Variants in ANKRD12 observed in about 807,000 individuals in gnomAD.
ANKRD12 encodes ankyrin repeat domain 12.
Under a neutral mutation model 183.4 loss-of-function variants are expected in ANKRD12, and 85 were observed. That is an observed-to-expected ratio of 0.46 (90% CI 0.39 to 0.56). ANKRD12 has a LOEUF of 0.56. Among genes scored for constraint, ANKRD12 ranks in the 20% least tolerant of loss-of-function variants. The pLI, the probability that ANKRD12 is intolerant of heterozygous loss-of-function variation, is 0.00. For missense variants in ANKRD12, 2,405 were observed against 2,357.1 expected (o/e 1.02, Z -0.42); for synonymous variants, 914 against 800.2 (o/e 1.14, Z -2.40).
chr18:9,213,508 CGTT>C (rs2035921093), intron 6 of ANKRD12, among the ~76,000 whole-genome samples: 2 of 151,720 alleles, frequency 1.3e-5, no homozygotes, highest in South Asian at 2.1e-4. Context: ...AATAGGAACT[CGTT>C]GAAGGAAATT....
chr18:9,257,292 C>A lies in ANKRD12; in HGVS notation c.4025C>A (p.Thr1342Asn), dbSNP rs760069771. Residue 1342 changes from threonine to asparagine, a missense_variant, in exon 9 of 13, where the codon ACT becomes AAT. By Grantham distance (65) the Thr-to-Asn change is moderately conservative. Transcript: ENST00000262126. ...AGCTTATTAACTGTGCCAGGAGATA[C>A]TAGTCCTTCTCCCAAACCTGAGGTA... ...QGSLLTVPGD[T>N]SPSPKPEVFS... The A allele has an allele frequency of 1.9e-6, 3 of 1,614,042 alleles. No individual in the cohort carries two copies. In the African/African-American group the frequency reaches 4.0e-5, roughly 22 times the overall value.
intron 3 of ANKRD12, among the ~76,000 whole-genome samples, chr18:9,201,817 GT>G (rs1357377075): frequency 2.7e-5 from 4 of 145,770 alleles, no homozygotes; most frequent in African/African-American, 9.8e-5. Flanking sequence ...TAGTTTACTA[GT>G]TTTTTTCGCT....
intron 9 of ANKRD12, 37 bp downstream of exon 9, chr18:9,258,968 C>T (rs781199881): frequency 1.3e-6 from 2 of 1,547,634 alleles, no homozygotes; most frequent in Non-Finnish European, 1.7e-6. Context: ...ACCTGTAACA[C>T]TGCCCAATAG....
At chr18:9,152,350 C>A (rs2078710667) in intron 1 of ANKRD12, among the ~76,000 whole-genome samples, 2 of 152,090 alleles carry the variant, frequency 1.3e-5, no homozygotes, top group African/African-American at 4.8e-5. Context: ...ATCCATTGGC[C>A]CAGGAATGGC....
intron 1 of ANKRD12, among the ~76,000 whole-genome samples, chr18:9,179,141 A>G (rs1401342596): frequency 6.6e-6 from 1 of 152,144 alleles, no homozygotes; most frequent in Non-Finnish European, 1.5e-5. Context: ...TGTCCTTCCT[A>G]TACACATGTA....
chr18:9,196,214 ACACACACACT>A (rs2034806137), intron 3 of ANKRD12, among the ~76,000 whole-genome samples: 1 of 151,720 alleles, frequency 6.6e-6, no homozygotes. Flanking sequence ...ACACACACAC[ACACACACACT>A]GAGGCTAACT....
At chr18:9,168,660 C>G (rs2032348935) in intron 1 of ANKRD12, among the ~76,000 whole-genome samples, 1 of 152,088 alleles carries the variant, frequency 6.6e-6, no homozygotes, top group Non-Finnish European at 1.5e-5. Context: ...TTGATCTTTT[C>G]AGAAAACCAG....
Position 9,280,942 on chromosome 18 carries a change from C to A in ANKRD12, c.6005C>A (p.Thr2002Asn). 1 of 1,608,208 alleles carries A rather than the reference C, an allele frequency of 6.2e-7. No individual in the cohort carries two copies. The highest frequency in any genetic ancestry group is 8.5e-7 in the Non-Finnish European group (1 of 1,178,528). ...DVDDKFDKLK[T>N]CLLMRQQHEA... ...TAACTCTTCTCTTCTTTTAAATAGA[C>A]CTGTCTTTTAATGAGGCAACAACAT... Residue 2002 changes from threonine (T) to asparagine (N), a missense_variant and splice_region_variant, in exon 13 of 13, where the codon ACC (threonine) becomes AAC (asparagine). Coordinates refer to ENST00000262126, the MANE Select transcript of ANKRD12 (RefSeq NM_015208.5).
At chr18:9,207,994 A>T (rs1219634827) in intron 4 of ANKRD12, among the ~76,000 whole-genome samples, 1 of 152,214 alleles carries the variant, frequency 6.6e-6, no homozygotes, top group Non-Finnish European at 1.5e-5. Flanking sequence ...AGCTAACTTG[A>T]TGATGGGTCA....
chr18:9,229,390 G>C lies in ANKRD12; in HGVS notation c.943+7391G>C, dbSNP rs555492712. 1.7e-4 allele frequency among the ~76,000 whole-genome samples: 26 copies of C among 152,232 alleles called. No individual in the cohort carries two copies. In the South Asian group the frequency reaches 5.4e-3, roughly 32 times the overall value. ...TCTGTAGACTGCTTTGGGCAGCTTG[G>C]TCACTGTAATGACATTAATTCTTCT... On this transcript the variant is annotated intron_variant, in intron 8 of 12. Coordinates refer to ENST00000262126, the MANE Select transcript of ANKRD12 (RefSeq NM_015208.5).
chr18:9,157,440 A>G (rs1204615801), intron 1 of ANKRD12, among the ~76,000 whole-genome samples: 1 of 152,004 alleles, frequency 6.6e-6, no homozygotes, highest in Non-Finnish European at 1.5e-5. Context: ...GTGAGTACGT[A>G]TGACTTTTGC....
chr18:9,261,397 AT>A (rs1481719568), intron 9 of ANKRD12, among the ~76,000 whole-genome samples: 4 of 152,248 alleles, frequency 2.6e-5, no homozygotes, highest in African/African-American at 9.6e-5. Flanking sequence ...AAGTGGGTAC[AT>A]TTATACAAGT....
chr18:9,173,072 T>C (rs1415283411), intron 1 of ANKRD12, among the ~76,000 whole-genome samples: 1 of 150,450 alleles, frequency 6.6e-6, no homozygotes, highest in Non-Finnish European at 1.5e-5. Context: ...TGCTGATTTT[T>C]TTTTTTTTTT....
intron 10 of ANKRD12, among the ~76,000 whole-genome samples, chr18:9,267,886 A>G (rs1356757707): frequency 6.6e-6 from 1 of 151,968 alleles, no homozygotes; most frequent in Non-Finnish European, 1.5e-5. Flanking sequence ...AAGACTAATA[A>G]AGAAGAAAAG....
intron 10 of ANKRD12, among the ~76,000 whole-genome samples, chr18:9,273,592 CAG>C (rs1167097334): frequency 6.6e-6 from 1 of 152,198 alleles, no homozygotes; most frequent in African/African-American, 2.4e-5. Flanking sequence ...ACAAGTTAAA[CAG>C]AGTCACCAGA....
chr18:9,191,066 A>C (rs2034424847), intron 2 of ANKRD12, among the ~76,000 whole-genome samples: 1 of 152,208 alleles, frequency 6.6e-6, no homozygotes, highest in South Asian at 2.1e-4. Context: ...AAAGGCTATC[A>C]ATACATTGTT....
rs1350941081 is a variant in ANKRD12 at position 9,258,009 on chromosome 18, C to T, written c.4742C>T (p.Thr1581Ile). Residue 1581 changes from threonine (T) to isoleucine (I), a missense_variant, in exon 9 of 13, where the codon ACT becomes ATT. Physicochemically the swap from Thr to Ile is moderately conservative, Grantham distance 89. Coordinates refer to ENST00000262126, the MANE Select transcript of ANKRD12 (RefSeq NM_015208.5). ...TCACCAAACTTTGAGAAAGCTTATA[C>T]TTTACCTGTGTTACCATCAGAAAAG... Reference protein sequence around the residue: ...EASPNFEKAYTLPVLPSEKDF... With the variant: ...EASPNFEKAYILPVLPSEKDF... 1 of 1,613,770 alleles carries T rather than the reference C, an allele frequency of 6.2e-7. No homozygotes were observed. Among genetic ancestry groups the T allele is most frequent in the East Asian group, 2.2e-5 (1 of 44,870 alleles).
At chr18:9,199,806 C>T (rs181007739) in intron 3 of ANKRD12, among the ~76,000 whole-genome samples, 118 of 152,070 alleles carry the variant, frequency 7.8e-4, no homozygotes, top group African/African-American at 2.8e-3. Flanking sequence ...CTTGTTCTTA[C>T]ATAAATTTAT....
At chr18:9,246,164 CTT>C (rs143974436) in intron 8 of ANKRD12, among the ~76,000 whole-genome samples, 9,596 of 152,152 alleles carry the variant, frequency 0.063, 327 homozygotes, top group Non-Finnish European at 0.079. Context: ...GCTATAGAAA[CTT>C]TTAAAAATTA....
Sources: allele counts gnomAD v4.1 joint callset (sites outside exome capture counted in the v4.1 genomes callset), GRCh38; gene constraint gnomAD v4.1.1; transcripts MANE v1.5; gene names NCBI Gene and HGNC (gene_info 2026-07-23, HGNC 2026-07-21).